The following ZNF736 variants were observed in gnomAD, a reference collection of about 807,000 sequenced individuals.
ZNF736 encodes the protein KRAB-containing zinc-finger repressor protein.
Under a neutral mutation model 11.7 loss-of-function variants are expected in ZNF736, and 6 were observed. That is an observed-to-expected ratio of 0.51 (90% confidence interval 0.28 to 1.01). ZNF736 has a LOEUF of 1.01. Among genes scored for constraint, ZNF736 ranks in the 50% least tolerant of loss-of-function variants. The pLI is 0.09. For synonymous variants in ZNF736, 139 were observed against 164.7 expected, an observed-to-expected ratio of 0.84 and a Z score of 1.19; for missense variants, 444 against 496.0, an observed-to-expected ratio of 0.90 and a Z score of 1.00.
At chr7:64,320,572 C>A (rs372282819) in intron 1 of ZNF736, among the ~76,000 whole-genome samples, 75 of 151,832 alleles carry the variant, frequency 4.9e-4, no homozygotes, top group African/African-American at 1.7e-3. Context: ...TTTGCTAATT[C>A]TCTGGATGTT....
intron 1 of ZNF736, among the ~76,000 whole-genome samples, chr7:64,331,598 A>T (rs1410565185): frequency 6.6e-6 from 1 of 152,014 alleles, no homozygotes; most frequent in Non-Finnish European, 1.5e-5. Flanking sequence ...TATCTGGGGG[A>T]TGATTGCTGG....
Position 64,337,269 on chromosome 7 carries a change from T to C in ZNF736, c.226+287T>C, listed in dbSNP as rs548061043. 7.9e-6 allele frequency: 3 copies of C among 378,476 alleles called. No homozygotes were observed. The South Asian group carries it at 1.2e-4, about 15-fold the overall frequency. 23.4% of individuals were successfully genotyped at this position (378,476 alleles called of 1,614,324 possible). A position where few individuals can be genotyped will look rare whatever the true frequency, so the allele number is the denominator to read the frequency against. The stretch of plus-strand genomic sequence containing the variant: ...GCAATAATGAAAGTCTTTCATGGCT[T>C]GACAGAAAATGTGTGATTTGACTGC... On this transcript the variant is annotated intron_variant, in intron 3 of 3. Coordinates refer to ENST00000423484, the MANE Select transcript of ZNF736 (RefSeq NM_001170905.3).
At chr7:64,319,325 GTGTATGTGTATA>G (rs1263401132) in intron 1 of ZNF736, among the ~76,000 whole-genome samples, 1 of 70,350 alleles carries the variant, frequency 1.4e-5, no homozygotes. Flanking sequence ...ATGTGTGTGT[GTGTATGTGTATA>G]TATATATATA....
chr7:64,334,889 A>T (rs571468316), intron 1 of ZNF736, among the ~76,000 whole-genome samples: 2 of 152,340 alleles, frequency 1.3e-5, no homozygotes, highest in South Asian at 4.1e-4. Flanking sequence ...GCCAACCCAA[A>T]TGCCCATCAA....
chr7:64,321,615 C>T (rs773460415), intron 1 of ZNF736, among the ~76,000 whole-genome samples: 8 of 152,100 alleles, frequency 5.3e-5, no homozygotes, highest in Admixed American at 6.6e-5. Context: ...ACAGCTCAAG[C>T]AAAGTCTTGA....
intron 1 of ZNF736, among the ~76,000 whole-genome samples, chr7:64,330,215 G>A (rs1446635137): frequency 1.3e-5 from 2 of 152,148 alleles, no homozygotes; most frequent in East Asian, 3.9e-4. Context: ...GGAGTGCAGT[G>A]GAGTGATCTT....
intron 1 of ZNF736, among the ~76,000 whole-genome samples, chr7:64,317,926 A>AT (rs981652123): frequency 6.6e-6 from 1 of 150,904 alleles, no homozygotes; most frequent in Non-Finnish European, 1.5e-5. Flanking sequence ...TTTCTAAAAT[A>AT]TTTTTTTTTC....
intron 3 of ZNF736, among the ~76,000 whole-genome samples, chr7:64,340,300 C>T (rs1308849690): frequency 6.6e-6 from 1 of 152,164 alleles, no homozygotes; most frequent in African/African-American, 2.4e-5. Context: ...GTCTGCAGAC[C>T]TACTGCTGTA....
intron 2 of ZNF736, among the ~76,000 whole-genome samples, 200 bp downstream of exon 2, chr7:64,336,585 C>A (rs1789254700): frequency 6.6e-6 from 1 of 152,018 alleles, no homozygotes; most frequent in South Asian, 2.1e-4. Context: ...TTGAGCTCAT[C>A]TGTATACTTC....
rs189396986 is a variant in ZNF736, at chr7:64,326,587, T to G, written c.4-9672T>G. Reference sequence around the variant, plus strand: ...TTATTTCTGCTATAGTTTTTATTTTTTCCTTCTAATTTTGGGTTTGGTTTG... The same window carrying G: ...TTATTTCTGCTATAGTTTTTATTTTGTCCTTCTAATTTTGGGTTTGGTTTG... On this transcript the variant is annotated intron_variant, in intron 1 of 3. Transcript: ENST00000423484. 5.1e-3 allele frequency among the ~76,000 whole-genome samples: 782 copies of G among 152,272 alleles called. 1 individual carries two copies. Among genetic ancestry groups the G allele is most frequent in the Non-Finnish European group, 8.0e-3 (545 of 68,012 alleles).
At chr7:64,318,251 A>G (rs747703994) in intron 1 of ZNF736, among the ~76,000 whole-genome samples, 76 of 152,112 alleles carry the variant, frequency 5.0e-4, no homozygotes, top group African/African-American at 1.7e-3. Context: ...TTAAAAATTA[A>G]TATCTTAGCA....
chr7:64,325,258 G>T (rs1789067991), intron 1 of ZNF736, among the ~76,000 whole-genome samples: 1 of 151,958 alleles, frequency 6.6e-6, no homozygotes, highest in Non-Finnish European at 1.5e-5. Context: ...TTGTAGTCTT[G>T]TTAAATTTGT....
intron 1 of ZNF736, among the ~76,000 whole-genome samples, chr7:64,330,650 C>T (rs1789152202): frequency 6.6e-6 from 1 of 152,116 alleles, no homozygotes; most frequent in African/African-American, 2.4e-5. Flanking sequence ...ATGGCTGCAG[C>T]AGCTTGGATT....
rs900704724 is a variant in ZNF736 at position 64,349,840 on chromosome 7, T to A, written c.*693T>A. ...AGCTTACCTTGGTCAGATATGAAAT[T>A]CTGTGTTGGAATTCTTTTTTTAAGA... On this transcript the variant is annotated 3_prime_UTR_variant, in exon 4 of 4. Coordinates refer to ENST00000423484, the MANE Select transcript of ZNF736 (RefSeq NM_001170905.3). 1 of 152,296 alleles carries A rather than the reference T, an allele frequency of 6.6e-6. No individual in the cohort carries two copies. Among genetic ancestry groups the A allele is most frequent in the Non-Finnish European group, 1.5e-5 (1 of 68,102 alleles). 9.4% of individuals were successfully genotyped at this position (152,296 alleles called of 1,614,324 possible). A position where few individuals can be genotyped will look rare whatever the true frequency, so the allele number is the denominator to read the frequency against.
chr7:64,340,124 C>T (rs372146592), intron 3 of ZNF736, among the ~76,000 whole-genome samples: 2 of 152,122 alleles, frequency 1.3e-5, no homozygotes, highest in South Asian at 2.1e-4. Context: ...TTCTGCAGTA[C>T]GGCTGGTATA....
At chr7:64,341,663 TTA>T (rs1789340442) in intron 3 of ZNF736, among the ~76,000 whole-genome samples, 1 of 152,154 alleles carries the variant, frequency 6.6e-6, no homozygotes, top group Admixed American at 6.5e-5. Flanking sequence ...ACAGACTCTA[TTA>T]ATCAGAACTT....
Position 64,348,482 on chromosome 7 carries a change from G to C in ZNF736, c.619G>C (p.Gly207Arg). The C allele has an allele frequency of 6.4e-7, 1 of 1,555,724 alleles. No homozygotes were observed. Among genetic ancestry groups the C allele is most frequent in the Non-Finnish European group, 8.7e-7 (1 of 1,150,172 alleles). ...GAGATGCTACAAATGTGAAGAATGT[G>C]GCAAAGCGTTTAAAAAGTTTTCAAA... ...VERCYKCEEC[G>R]KAFKKFSNLT... Residue 207 changes from glycine to arginine, a missense_variant, in exon 4 of 4, where the codon GGC (glycine) becomes CGC (arginine). By Grantham distance (125) the Gly-to-Arg change is moderately radical. Transcript: ENST00000423484.
rs1301467764 is a variant in ZNF736 at position 64,350,429 on chromosome 7, G to T, written c.*1282G>T. 6.6e-6 allele frequency: 1 copy of T among 152,140 alleles called. No homozygotes were observed. The highest frequency in any genetic ancestry group is 1.5e-5 in the Non-Finnish European group (1 of 68,044). 9.4% of individuals were successfully genotyped at this position (152,140 alleles called of 1,614,324 possible). ...GTTGGCCACATTTTTTCTCCAGACT[G>T]GCTGTTTTTTCCGTCAGTTCCTGCA... On this transcript the variant is annotated 3_prime_UTR_variant, in exon 4 of 4. Coordinates refer to ENST00000423484, the MANE Select transcript of ZNF736 (RefSeq NM_001170905.3).
At position 64,348,415 on chromosome 7, in the gene ZNF736, G is replaced by T; in HGVS notation, c.552G>T (p.Leu184Phe). Reference protein sequence around the residue: ...KCEECGKDCRLFSDFTRHKKI... With the variant: ...KCEECGKDCRFFSDFTRHKKI... ...AAGAATGTGGCAAAGACTGTAGGTTGTTCTCAGATTTTACTAGACATAAGA... is the reference window on the plus strand; with the variant it reads ...AAGAATGTGGCAAAGACTGTAGGTTTTTCTCAGATTTTACTAGACATAAGA... The change falls in exon 4 of 4, where the codon TTG (leucine) becomes TTT (phenylalanine). Residue 184 changes from leucine (L) to phenylalanine (F), a missense_variant. By Grantham distance (22) the Leu-to-Phe change is conservative. Coordinates refer to ENST00000423484, the MANE Select transcript of ZNF736 (RefSeq NM_001170905.3). 1.9e-6 allele frequency: 3 copies of T among 1,550,600 alleles called. No homozygotes were observed. The highest frequency in any genetic ancestry group is 1.7e-6 in the Non-Finnish European group (2 of 1,146,844).
Sources: gnomAD v4.1 joint callset for allele counts (sites outside exome capture counted in the v4.1 genomes callset) on GRCh38, gnomAD v4.1.1 for gene constraint, MANE v1.5 for transcripts, NCBI Gene and HGNC (gene_info 2026-07-23, HGNC 2026-07-21) for gene names.